Variants in RGS3 observed in about 807,000 individuals in gnomAD.
RGS3 encodes the protein regulator of G protein signaling 3.
Under a neutral mutation model 132.6 loss-of-function variants are expected in RGS3, and 80 were observed. The observed-to-expected ratio is 0.60, with a 90% CI of 0.50 to 0.73. RGS3 has a LOEUF of 0.73. Ranked by LOEUF, RGS3 falls within the 30% of genes least tolerant of loss-of-function variation. The probability of loss-of-function intolerance (pLI) is 0.00; values close to 1 mark genes in which losing one functional copy is unlikely to be tolerated. For missense variants in RGS3, 1,382 were observed against 1,530.8 expected (o/e 0.90, Z 1.62); for synonymous variants, 598 against 620.6 (o/e 0.96, Z 0.54).
chr9:113,456,679 G>A (rs1179495367), upstream of RGS3, among the ~76,000 whole-genome samples: 1 of 151,280 alleles, frequency 6.6e-6, no homozygotes, highest in Non-Finnish European at 1.5e-5. Context: ...TCTAGCCAGA[G>A]CAATCTTTCT....
rs574079348 is a variant in RGS3, at chr9:113,511,456, C to A, written c.1477+2876C>A. Among the ~76,000 whole-genome samples, 3 of 151,816 alleles carry A rather than the reference C, an allele frequency of 2.0e-5. No homozygotes were observed. In the South Asian group the frequency reaches 6.2e-4, roughly 32 times the overall value. ...CCACTCCCACTAGCCACATATTATC[C>A]AGGGGTGGGTGGAGATTGGGCACAA... On this transcript the variant is annotated intron_variant, in intron 14 of 24. Coordinates refer to ENST00000350696, the Ensembl canonical transcript of RGS3.
rs1282294437 is a variant in RGS3, at chr9:113,494,797, C to T, written c.690-989C>T. On this transcript the variant is annotated intron_variant, in intron 7 of 24. Coordinates refer to ENST00000350696, the Ensembl canonical transcript of RGS3. ...CCCATGCCATCATTATTAAAAGCTG[C>T]CAACTCTTAGTCCCTGATTATTGGA... 3.3e-5 allele frequency among the ~76,000 whole-genome samples: 5 copies of T among 152,060 alleles called. No homozygotes were observed. The East Asian group carries it at 7.8e-4, about 24-fold the overall frequency.
chr9:113,520,221 G>A (rs1831874969), intron 16 of RGS3, among the ~76,000 whole-genome samples: 1 of 152,368 alleles, frequency 6.6e-6, no homozygotes, highest in South Asian at 2.1e-4. Flanking sequence ...ATTGGGCCAT[G>A]GAGATGGGCA....
At chr9:113,497,950 G>C in intron 9 of RGS3, 75 bp from the exon 8 acceptor site, 1 of 1,476,332 alleles carries the variant, frequency 6.8e-7, no homozygotes, top group South Asian at 1.1e-5. Flanking sequence ...TCCCAGTGCT[G>C]TCCTCTGGGT....
intron 19 of RGS3, among the ~76,000 whole-genome samples, chr9:113,553,457 AAAATATATATATATAT>A (rs1345249202): frequency 1.3e-3 from 118 of 90,872 alleles, no homozygotes; most frequent in African/African-American, 5.1e-3. Flanking sequence ...AAAAAAAAAA[AAAATATATATATATAT>A]ATATATATAT....
chr9:113,526,916 A>C (rs1483505927), intron 17 of RGS3, among the ~76,000 whole-genome samples: 1 of 152,198 alleles, frequency 6.6e-6, no homozygotes, highest in Non-Finnish European at 1.5e-5. Flanking sequence ...GAAGGGGCAG[A>C]ATTTCTCTCC....
At chr9:113,583,848 A>G in exon 20 of RGS3, 1 of 1,613,874 alleles carries the variant, frequency 6.2e-7, no homozygotes, top group South Asian at 1.1e-5. Flanking sequence ...GGGACCTTCC[A>G]CCCTGTCAAG....
chr9:113,565,072 C>T lies in RGS3; in HGVS notation c.2038-18378C>T, dbSNP rs965721138. The T allele has an allele frequency of 6.1e-6, 7 of 1,139,834 alleles. No homozygotes were observed. The highest frequency in any genetic ancestry group is 4.1e-5 in the Admixed American group (1 of 24,240). The allele number at this position is 1,139,834 out of a possible 1,614,324, so 70.6% of individuals were successfully genotyped here. A position where few individuals can be genotyped will look rare whatever the true frequency, so the allele number is the denominator to read the frequency against. ...TAGGGATCCCAGTGCCAGGGGGTGC[C>T]GTTGTGAGGGATGGACGCCTCTCCC... On this transcript the variant is annotated intron_variant, in intron 19 of 24. Coordinates refer to ENST00000350696, the Ensembl canonical transcript of RGS3. The surrounding 1 kb of genome is among the most constrained non-coding windows in gnomAD (Gnocchi z 5.7).
chr9:113,498,346 G>A (rs923399959), intron 10 of RGS3, among the ~76,000 whole-genome samples: 45 of 152,180 alleles, frequency 3.0e-4, no homozygotes, highest in African/African-American at 1.0e-3. Flanking sequence ...ACTAACTTTG[G>A]GCCTCTAGAA....
chr9:113,547,727 T>C (rs1398721597), intron 19 of RGS3, among the ~76,000 whole-genome samples: 2 of 152,266 alleles, frequency 1.3e-5, no homozygotes, highest in Non-Finnish European at 2.9e-5. Context: ...AGTCCTTTCA[T>C]TTCTGGTGTG....
chr9:113,486,078 C>T (rs1297962735), intron 7 of RGS3, among the ~76,000 whole-genome samples: 1 of 152,196 alleles, frequency 6.6e-6, no homozygotes, highest in Non-Finnish European at 1.5e-5. Flanking sequence ...CCTTGAAAAA[C>T]AGGACTATTT....
chr9:113,538,827 C>T (rs1832787926), intron 19 of RGS3, among the ~76,000 whole-genome samples: 1 of 152,218 alleles, frequency 6.6e-6, no homozygotes, highest in Admixed American at 6.5e-5. Context: ...GCTGGGACAG[C>T]CTCAGAATTA....
intron 1 of RGS3, among the ~76,000 whole-genome samples, chr9:113,450,253 A>T (rs1829210230): frequency 6.6e-6 from 1 of 151,086 alleles, no homozygotes; most frequent in Non-Finnish European, 1.5e-5. Context: ...TTGTATTTTT[A>T]GTAGAGACGG....
intron 19 of RGS3, among the ~76,000 whole-genome samples, chr9:113,551,362 C>T (rs978048283): frequency 6.6e-6 from 1 of 152,160 alleles, no homozygotes; most frequent in Non-Finnish European, 1.5e-5. Flanking sequence ...TTTTGTTTAA[C>T]CGTTCATCAG....
chr9:113,583,963 A>G, exon 20 of RGS3: 1 of 1,614,100 alleles, frequency 6.2e-7, no homozygotes, highest in Non-Finnish European at 8.5e-7. Context: ...TGCGGCCCCC[A>G]GGCCAGCCTT....
At chr9:113,450,042 G>A (rs991561116) in intron 1 of RGS3, among the ~76,000 whole-genome samples, 2 of 150,484 alleles carry the variant, frequency 1.3e-5, no homozygotes, top group African/African-American at 4.9e-5. Flanking sequence ...ACCATGCCTG[G>A]CCAGATTTTG....
At chr9:113,567,782 C>G (rs1158307769) in intron 19 of RGS3, among the ~76,000 whole-genome samples, 2 of 152,234 alleles carry the variant, frequency 1.3e-5, no homozygotes, top group Non-Finnish European at 2.9e-5. Flanking sequence ...AGGACCTTTG[C>G]ACAGACTACA....
intron 19 of RGS3, among the ~76,000 whole-genome samples, chr9:113,548,470 A>C (rs1422187372): frequency 2.0e-5 from 3 of 152,164 alleles, no homozygotes; most frequent in Non-Finnish European, 4.4e-5. Flanking sequence ...TGCAGCTAGG[A>C]GCATGGCTGG....
chr9:113,516,640 T>G (rs950840938), intron 15 of RGS3, among the ~76,000 whole-genome samples: 1 of 152,246 alleles, frequency 6.6e-6, no homozygotes, highest in Admixed American at 6.5e-5. Context: ...ATTACAGGCA[T>G]GAGCCACCAC....
Sources: allele counts gnomAD v4.1 joint callset (sites outside exome capture counted in the v4.1 genomes callset), GRCh38; gene constraint gnomAD v4.1.1; non-coding constraint Gnocchi (gnomAD v3.1); transcripts MANE v1.5; gene names NCBI Gene and HGNC (gene_info 2026-07-23, HGNC 2026-07-21).